FAM227B: variants seen among roughly 807,000 people sequenced by gnomAD.
FAM227B encodes the protein protein FAM227B.
A neutral mutation model predicts 73.8 loss-of-function variants in FAM227B; 88 were observed. The ratio of observed to expected loss-of-function variants is 1.19; its 90% CI spans 1.00 to 1.42. The LOEUF is 1.42. Among genes scored for constraint, FAM227B ranks in the 40% most tolerant of loss-of-function variants. The probability of loss-of-function intolerance (pLI) is 0.00; values close to 1 mark genes in which losing one functional copy is unlikely to be tolerated. For synonymous variants in FAM227B, 210 were observed against 190.5 expected (o/e 1.10, Z -0.84); for missense variants, 632 against 590.9 (o/e 1.07, Z -0.72).
At chr15:49,504,243 A>C (rs1363067868) in intron 11 of FAM227B, among the ~76,000 whole-genome samples, 1 of 133,178 alleles carries the variant, frequency 7.5e-6, no homozygotes, top group African/African-American at 2.9e-5. Flanking sequence ...ACTTGGACAC[A>C]GGAAGGGGAA....
At chr15:49,485,798 C>G (rs1001668552) in intron 11 of FAM227B, 1 of 152,224 alleles carries the variant, frequency 6.6e-6, no homozygotes, top group African/African-American at 2.4e-5. Context: ...TATTTGAATG[C>G]ATGGGTAGAA....
At chr15:49,395,818 G>A (rs543481977) in intron 11 of FAM227B, among the ~76,000 whole-genome samples, 3 of 152,238 alleles carry the variant, frequency 2.0e-5, no homozygotes, top group South Asian at 2.1e-4. Flanking sequence ...GTGTGGTATC[G>A]AAGTTTAAAG....
At position 49,389,338 on chromosome 15, in the gene FAM227B, T is replaced by C. The variant is rs77408830; in HGVS notation, c.1013-17939A>G. On this transcript the variant is annotated intron_variant, in intron 11 of 15. Transcript: ENST00000299338. The stretch of plus-strand genomic sequence containing the variant: ...AGGAAATTACCTCTTTTGCAGCAAC[T>C]TAGATGGAGCTGGAGGCCATTATTC... Among the ~76,000 whole-genome samples the C allele has an allele frequency of 5.6e-3, 857 of 152,026 alleles. 7 individuals carry two copies. Among genetic ancestry groups the C allele is most frequent in the African/African-American group, 0.02 (817 of 41,500 alleles).
At chr15:49,453,784 C>G (rs888459895) in intron 11 of FAM227B, among the ~76,000 whole-genome samples, 2 of 152,076 alleles carry the variant, frequency 1.3e-5, no homozygotes, top group African/African-American at 4.8e-5. Context: ...CTGATGACCT[C>G]CAGGAAATTC....
chr15:49,431,064 G>A (rs2050572675), intron 11 of FAM227B, among the ~76,000 whole-genome samples: 1 of 151,440 alleles, frequency 6.6e-6, no homozygotes, highest in Admixed American at 6.6e-5. Flanking sequence ...CATCACTATT[G>A]GAATACAATA....
At chr15:49,442,627 GTTACT>G (rs1183748815) in intron 11 of FAM227B, among the ~76,000 whole-genome samples, 25 of 151,614 alleles carry the variant, frequency 1.6e-4, no homozygotes, top group African/African-American at 5.6e-4. Context: ...GCATAGAGTA[GTTACT>G]CACTAATTAC....
intron 11 of FAM227B, chr15:49,485,734 T>C: frequency 6.6e-6 from 1 of 152,624 alleles, no homozygotes; most frequent in South Asian, 2.1e-4. Context: ...AATTGGATCA[T>C]ATAAGTAAAA....
chr15:49,408,155 G>A (rs1309714876), intron 11 of FAM227B, among the ~76,000 whole-genome samples: 1 of 152,080 alleles, frequency 6.6e-6, no homozygotes, highest in Admixed American at 6.5e-5. Flanking sequence ...GTTCTTATTT[G>A]CAAGAAAACG....
chr15:49,474,634 G>A (rs148628821), intron 11 of FAM227B, among the ~76,000 whole-genome samples: 51 of 152,174 alleles, frequency 3.4e-4, no homozygotes, highest in African/African-American at 1.1e-3. Flanking sequence ...TTCGGCAGGA[G>A]CCCCCAACCC....
intron 11 of FAM227B, among the ~76,000 whole-genome samples, chr15:49,411,904 G>A (rs1283500263): frequency 6.6e-6 from 1 of 152,026 alleles, no homozygotes; most frequent in Non-Finnish European, 1.5e-5. Flanking sequence ...ATTTTAGAGA[G>A]AAAGCAATTT....
chr15:49,345,201 T>C (rs1313922221), intron 13 of FAM227B, among the ~76,000 whole-genome samples: 1 of 152,238 alleles, frequency 6.6e-6, no homozygotes, highest in Non-Finnish European at 1.5e-5. Flanking sequence ...TTATATACTA[T>C]TGGTATTGAA....
chr15:49,442,836 T>C (rs191756794), intron 11 of FAM227B, among the ~76,000 whole-genome samples: 1 of 151,844 alleles, frequency 6.6e-6, no homozygotes, highest in Admixed American at 6.6e-5. Flanking sequence ...ACGACACCTA[T>C]ATACCTACTA....
At chr15:49,498,017 C>G (rs752530287) in intron 11 of FAM227B, among the ~76,000 whole-genome samples, 1 of 152,176 alleles carries the variant, frequency 6.6e-6, no homozygotes, top group Non-Finnish European at 1.5e-5. Context: ...TCCTCATTCA[C>G]CCTCATCTAT....
intron 2 of FAM227B, among the ~76,000 whole-genome samples, chr15:49,612,307 T>C (rs907059593): frequency 6.6e-6 from 1 of 152,172 alleles, no homozygotes; most frequent in Admixed American, 6.5e-5. Flanking sequence ...GTGTTCTCAT[T>C]GTTCAATTCC....
chr15:49,350,791 A>C (rs2042128941), intron 13 of FAM227B, among the ~76,000 whole-genome samples: 1 of 152,128 alleles, frequency 6.6e-6, no homozygotes, highest in African/African-American at 2.4e-5. Context: ...CTTTCCTAAC[A>C]GTGCTCTCTA....
chr15:49,547,495 A>C (rs970467303), intron 9 of FAM227B, among the ~76,000 whole-genome samples: 12 of 152,210 alleles, frequency 7.9e-5, no homozygotes, highest in African/African-American at 2.9e-4. Flanking sequence ...AAATTGGATA[A>C]AGAGTCAAGA....
intron 11 of FAM227B, among the ~76,000 whole-genome samples, chr15:49,397,539 A>G (rs1468602049): frequency 2.0e-5 from 3 of 152,082 alleles, no homozygotes; most frequent in South Asian, 2.1e-4. Flanking sequence ...TCCAAGACAC[A>G]TAATTGTCAG....
intron 4 of FAM227B, 32 bp from the exon 5 acceptor site, chr15:49,588,115 A>G: frequency 8.1e-7 from 1 of 1,231,254 alleles, no homozygotes; most frequent in African/African-American, 1.6e-5. Flanking sequence ...CAGTATATAT[A>G]TTATACATAT....
intron 3 of FAM227B, among the ~76,000 whole-genome samples, chr15:49,592,526 G>C (rs989913574): frequency 1.3e-5 from 2 of 152,232 alleles, no homozygotes; most frequent in African/African-American, 2.4e-5. Context: ...TTGAAGAACA[G>C]AAAATATTGT....
Sources: allele counts gnomAD v4.1 joint callset (sites outside exome capture counted in the v4.1 genomes callset), GRCh38; gene constraint gnomAD v4.1.1; transcripts MANE v1.5; gene names NCBI Gene and HGNC (gene_info 2026-07-23, HGNC 2026-07-21).